PPP6R2: variants seen among roughly 807,000 people sequenced by gnomAD.
PPP6R2 encodes the protein serine/threonine-protein phosphatase 6 regulatory subunit 2.
PPP6R2 carries 62 observed loss-of-function variants against 100.2 expected under a neutral mutation model. That is an observed-to-expected ratio of 0.62 (90% CI 0.50 to 0.76). The LOEUF (loss-of-function observed/expected upper bound fraction) is 0.76. Among genes scored for constraint, PPP6R2 ranks in the 30% least tolerant of loss-of-function variants. The probability of loss-of-function intolerance (pLI) is 0.00; values close to 1 mark genes in which losing one functional copy is unlikely to be tolerated. For missense variants in PPP6R2, 1,142 were observed against 1,276.3 expected, an observed-to-expected ratio of 0.89 and a Z score of 1.60; for synonymous variants, 525 against 514.7, an observed-to-expected ratio of 1.02 and a Z score of -0.27.
At chr22:50,427,977 C>T (rs1375130956) in intron 10 of PPP6R2, among the ~76,000 whole-genome samples, 1 of 152,228 alleles carries the variant, frequency 6.6e-6, no homozygotes, top group Non-Finnish European at 1.5e-5. Context: ...ACCTTGGCCT[C>T]CCAAAGTGCT....
intron 2 of PPP6R2, among the ~76,000 whole-genome samples, chr22:50,377,064 A>G (rs1378559120): frequency 2.0e-5 from 3 of 152,168 alleles, no homozygotes; most frequent in African/African-American, 7.2e-5. Flanking sequence ...ATATTTAACA[A>G]CATAAAAATA....
chr22:50,413,812 G>T (rs999959068), intron 4 of PPP6R2, among the ~76,000 whole-genome samples: 1 of 152,124 alleles, frequency 6.6e-6, no homozygotes, highest in African/African-American at 2.4e-5. Flanking sequence ...CCAGTGGAGG[G>T]CTGGGTCTAC....
At chr22:50,364,332 A>T (rs975171018) in intron 1 of PPP6R2, among the ~76,000 whole-genome samples, 1 of 152,192 alleles carries the variant, frequency 6.6e-6, no homozygotes. Flanking sequence ...TTTTAGGTAT[A>T]TAAGTCATAA....
intron 3 of PPP6R2, 56 bp from the exon 4 acceptor site, chr22:50,406,633 C>T (rs1003098347): frequency 1.8e-5 from 28 of 1,518,242 alleles, no homozygotes; most frequent in Admixed American, 1.7e-5. Context: ...TAAGCAGCTT[C>T]CTAAGAGTTG....
intron 1 of PPP6R2, among the ~76,000 whole-genome samples, chr22:50,348,162 G>C (rs1321525612): frequency 6.6e-6 from 1 of 152,188 alleles, no homozygotes; most frequent in East Asian, 1.9e-4. Flanking sequence ...GGGCTGGAAA[G>C]TTGGTTTTCT....
intron 8 of PPP6R2, among the ~76,000 whole-genome samples, chr22:50,420,186 G>A (rs1188059485): frequency 6.6e-6 from 1 of 152,208 alleles, no homozygotes; most frequent in Non-Finnish European, 1.5e-5. Context: ...TCACAAGAAG[G>A]GACCCACATG....
chr22:50,443,921 G>C lies in PPP6R2; in HGVS notation c.2635G>C (p.Val879Leu). Residue 879 changes from valine to leucine, a missense_variant, in exon 23 of 24, where the codon GTG (valine) becomes CTG (leucine). By Grantham distance (32) the Val-to-Leu change is conservative. Around this residue, in one of 2 missense-constraint regions of PPP6R2, gnomAD observed 550 missense variants for 517.4 expected, o/e 1.06. Coordinates refer to ENST00000612753, the MANE Select transcript of PPP6R2 (RefSeq NM_001242898.2). ...LSPACPAPKEVTAAPAVAVPP... is the reference protein window; with the variant it reads ...LSPACPAPKELTAAPAVAVPP... The stretch of plus-strand genomic sequence containing the variant: ...CCCTGCCTGCCCCGCGCCAAAGGAA[G>C]TGACTGCTGCCCCAGCCGTGGCTGT... 6.2e-7 allele frequency: 1 copy of C among 1,601,760 alleles called. No homozygotes were observed. Among genetic ancestry groups the C allele is most frequent in the Non-Finnish European group, 8.5e-7 (1 of 1,174,510 alleles).
At chr22:50,378,914 A>C (rs1428937672) in intron 2 of PPP6R2, among the ~76,000 whole-genome samples, 1 of 151,754 alleles carries the variant, frequency 6.6e-6, no homozygotes, top group Non-Finnish European at 1.5e-5. Context: ...GAGGCCTAGA[A>C]TATGATGAGG....
chr22:50,427,628 C>T (rs1603371403), intron 10 of PPP6R2, among the ~76,000 whole-genome samples: 1 of 152,232 alleles, frequency 6.6e-6, no homozygotes, highest in Admixed American at 6.5e-5. Context: ...TCTCGGCTCA[C>T]CGCAACCTTT....
chr22:50,392,283 C>T (rs1428411520), intron 2 of PPP6R2, among the ~76,000 whole-genome samples: 2 of 148,026 alleles, frequency 1.4e-5, no homozygotes, highest in East Asian at 4.1e-4. Flanking sequence ...GGGCAGATTG[C>T]TTGAGCTCAG....
In PPP6R2 at chr22:50,439,992, G is replaced by C. The variant is rs764515458; in HGVS notation, c.2317G>C (p.Val773Leu). The change falls in exon 21 of 24, where the codon GTG (valine) becomes CTG (leucine). Residue 773 changes from valine to leucine, a missense_variant. Val to Leu is a conservative substitution (Grantham distance 32). Transcript: ENST00000612753. ...SESGPRCSSPVDTECSHAEGS... is the reference protein window; with the variant it reads ...SESGPRCSSPLDTECSHAEGS... ...GTCAGGGCCCAGGTGCAGCTCTCCG[G>C]TGGACACAGAATGCAGCCATGCTGA... 2 of 1,613,594 alleles carry C rather than the reference G, an allele frequency of 1.2e-6. No individual in the cohort carries two copies. The highest frequency in any genetic ancestry group is 1.7e-6 in the Non-Finnish European group (2 of 1,179,952).
intron 2 of PPP6R2, among the ~76,000 whole-genome samples, chr22:50,386,408 TG>T (rs1334980589): frequency 6.6e-6 from 1 of 152,178 alleles, no homozygotes; most frequent in Non-Finnish European, 1.5e-5. Context: ...CCCAAAGTGC[TG>T]GGATTACAGG....
intron 1 of PPP6R2, among the ~76,000 whole-genome samples, chr22:50,370,295 T>C (rs558372842): frequency 1.3e-5 from 2 of 152,290 alleles, no homozygotes; most frequent in South Asian, 4.1e-4. Context: ...ACGTCTTGTT[T>C]GTTTGTTTTT....
chr22:50,334,558 T>A, the PPP6R2 span, among the ~76,000 whole-genome samples: 1 of 152,220 alleles, frequency 6.6e-6, no homozygotes, highest in African/African-American at 2.4e-5. Context: ...CTGGAACAGC[T>A]TGTTTCTTTG....
intron 1 of PPP6R2, among the ~76,000 whole-genome samples, chr22:50,353,217 C>G (rs1354857763): frequency 6.6e-6 from 1 of 152,220 alleles, no homozygotes; most frequent in East Asian, 1.9e-4. Flanking sequence ...AGCTTTTGGC[C>G]TGTCGGCTTT....
intron 5 of PPP6R2, among the ~76,000 whole-genome samples, chr22:50,415,707 C>G (rs2060440635): frequency 6.6e-6 from 1 of 152,262 alleles, no homozygotes; most frequent in Admixed American, 6.5e-5. Context: ...GGTGGAGTTA[C>G]TCTTCCTCAA....
intron 3 of PPP6R2, among the ~76,000 whole-genome samples, chr22:50,405,820 C>A (rs2058813084): frequency 9.1e-6 from 1 of 110,040 alleles, no homozygotes; most frequent in Non-Finnish European, 1.9e-5. Context: ...AGGCGAGAGG[C>A]CTGGCAGGTG....
chr22:50,414,458 T>G (rs556307290), intron 4 of PPP6R2, 94 bp from the exon 5 acceptor site: 2 of 1,384,164 alleles, frequency 1.4e-6, no homozygotes, highest in South Asian at 2.5e-5. Context: ...TTAATATAAT[T>G]ACTAGTTCAA....
Position 50,444,535 on chromosome 22 carries a change from TGGG to T in PPP6R2, c.*291_*293del. On this transcript the variant is annotated 3_prime_UTR_variant, in exon 24 of 24. Transcript: ENST00000612753. ...CGGCCTGCAGGAGCCGGGGTGGGGG[TGGG>T]GGTGGGGGGGGCAGGACCCTGAGAT... The T allele has an allele frequency of 1.5e-5, 1 of 66,896 alleles. No homozygotes were observed. 4.1% of individuals were successfully genotyped at this position (66,896 alleles called of 1,614,324 possible).
Sources: gnomAD v4.1 joint callset for allele counts (sites outside exome capture counted in the v4.1 genomes callset) on GRCh38, gnomAD v4.1.1 for gene constraint, gnomAD v4.1.1 regional missense constraint, MANE v1.5 for transcripts, NCBI Gene and HGNC (gene_info 2026-07-23, HGNC 2026-07-21) for gene names.